Variants in RIT2 observed in about 807,000 individuals in gnomAD.
The protein encoded by RIT2 is GTP-binding protein Rit2.
RIT2 carries 24 observed loss-of-function variants against 23.7 expected under a neutral mutation model. That is an observed-to-expected ratio of 1.01 (90% confidence interval 0.73 to 1.43). RIT2 has a LOEUF of 1.43. RIT2 is among the 40% of genes most tolerant of loss of function. RIT2 has a pLI of 0.00. For missense variants in RIT2, 236 were observed against 266.9 expected (o/e 0.88, Z 0.81); for synonymous variants, 107 against 91.1 (o/e 1.17, Z -0.99).
chr18:42,983,773 C>T (rs1359613616), intron 2 of RIT2, among the ~76,000 whole-genome samples: 1 of 151,928 alleles, frequency 6.6e-6, no homozygotes, highest in Non-Finnish European at 1.5e-5. Context: ...ACATTATTAG[C>T]CTTAAATAAG....
At chr18:43,084,886 G>A (rs1203596698) in intron 1 of RIT2, among the ~76,000 whole-genome samples, 1 of 152,012 alleles carries the variant, frequency 6.6e-6, no homozygotes, top group Non-Finnish European at 1.5e-5. Context: ...ATCCCTTAAA[G>A]TATAATAAAA....
chr18:42,988,038 T>C (rs1910754295), intron 2 of RIT2, among the ~76,000 whole-genome samples: 1 of 152,064 alleles, frequency 6.6e-6, no homozygotes, highest in East Asian at 1.9e-4. Flanking sequence ...AAGGGACAAA[T>C]ATACAAATTA....
At chr18:42,920,725 T>C (rs1426587332) in intron 4 of RIT2, 2 of 1,596,230 alleles carry the variant, frequency 1.3e-6, no homozygotes, top group East Asian at 2.2e-5. Context: ...GCTTCAACCA[T>C]CAGAATTCTT....
At chr18:42,881,227 G>A (rs552677141) in intron 4 of RIT2, among the ~76,000 whole-genome samples, 25 of 152,224 alleles carry the variant, frequency 1.6e-4, no homozygotes, top group Admixed American at 2.0e-4. Flanking sequence ...AAAAACAGAG[G>A]TTGTTTAAAC....
At chr18:43,114,147 T>C (rs1183834848) in intron 1 of RIT2, among the ~76,000 whole-genome samples, 1 of 152,188 alleles carries the variant, frequency 6.6e-6, no homozygotes, top group Non-Finnish European at 1.5e-5. Context: ...TTTTCTTTCA[T>C]ATTTTTGCCT....
intron 1 of RIT2, among the ~76,000 whole-genome samples, chr18:43,093,346 A>C (rs1034038977): frequency 6.6e-6 from 1 of 152,072 alleles, no homozygotes; most frequent in Non-Finnish European, 1.5e-5. Context: ...AAAGCCTAAC[A>C]GCTAGTTTTC....
chr18:43,013,588 C>T (rs1465768291), intron 2 of RIT2, among the ~76,000 whole-genome samples: 1 of 151,698 alleles, frequency 6.6e-6, no homozygotes, highest in Non-Finnish European at 1.5e-5. Context: ...TGTATACTGC[C>T]ACATTTTTTA....
chr18:42,963,235 G>T (rs1910132483), intron 3 of RIT2, among the ~76,000 whole-genome samples: 1 of 152,120 alleles, frequency 6.6e-6, no homozygotes, highest in Non-Finnish European at 1.5e-5. Context: ...ATAGAAAATA[G>T]TCTTGAACCA....
chr18:42,751,482 A>C (rs1913044849), intron 4 of RIT2, among the ~76,000 whole-genome samples: 1 of 152,014 alleles, frequency 6.6e-6, no homozygotes, highest in Non-Finnish European at 1.5e-5. Context: ...CCAATGTGAT[A>C]ATCAAGCTCG....
chr18:42,915,791 T>C (rs1908892715), intron 4 of RIT2, among the ~76,000 whole-genome samples: 2 of 152,130 alleles, frequency 1.3e-5, no homozygotes, highest in South Asian at 4.1e-4. Flanking sequence ...ACATTGTTGT[T>C]TTTAATATAA....
chr18:42,921,002 G>C (rs552140321), intron 4 of RIT2, among the ~76,000 whole-genome samples: 7 of 152,012 alleles, frequency 4.6e-5, no homozygotes, highest in Middle Eastern at 3.4e-3. Context: ...TGAACAAAAA[G>C]AGTACAATAT....
At chr18:42,751,701 A>G (rs780382131) in intron 4 of RIT2, among the ~76,000 whole-genome samples, 4 of 152,048 alleles carry the variant, frequency 2.6e-5, no homozygotes, top group African/African-American at 7.2e-5. Flanking sequence ...GTAGTTTCAC[A>G]TGATCTTAGA....
intron 1 of RIT2, among the ~76,000 whole-genome samples, chr18:43,094,107 T>G (rs1487496248): frequency 7.2e-6 from 1 of 138,842 alleles, no homozygotes; most frequent in Non-Finnish European, 1.5e-5. Flanking sequence ...AAAATTGGTA[T>G]TAGTGGGTTT....
At chr18:42,843,425 TAG>T (rs778553047) in intron 4 of RIT2, among the ~76,000 whole-genome samples, 1 of 152,216 alleles carries the variant, frequency 6.6e-6, no homozygotes, top group Non-Finnish European at 1.5e-5. Context: ...GATCATAATT[TAG>T]AGATCATGAA....
chr18:42,916,375 C>G (rs1370983260), intron 4 of RIT2, among the ~76,000 whole-genome samples: 1 of 152,082 alleles, frequency 6.6e-6, no homozygotes, highest in Admixed American at 6.6e-5. Context: ...CTTTACTTAG[C>G]TCATAAACTG....
intron 2 of RIT2, among the ~76,000 whole-genome samples, chr18:43,027,683 T>C (rs926130099): frequency 6.6e-6 from 1 of 151,988 alleles, no homozygotes; most frequent in Non-Finnish European, 1.5e-5. Context: ...CAGTGAGAAA[T>C]TGAGTAGTCT....
rs1913667205 is a variant in RIT2 at position 43,100,893 on chromosome 18, C to G, written c.103+14524G>C. Among the ~76,000 whole-genome samples, 3 of 151,998 alleles carry G rather than the reference C, an allele frequency of 2.0e-5. No individual in the cohort carries two copies. In the South Asian group the frequency reaches 6.2e-4, roughly 32 times the overall value. On this transcript the variant is annotated intron_variant, in intron 1 of 4. Coordinates refer to ENST00000326695, the MANE Select transcript of RIT2 (RefSeq NM_002930.4). ...TCCCCCAGTGCCATCACTGCCTTCT[C>G]CCTTCCTTGAAAGGAGACTACGTAG...
intron 1 of RIT2, among the ~76,000 whole-genome samples, chr18:43,100,604 A>G (rs1206109415): frequency 2.0e-5 from 3 of 152,202 alleles, no homozygotes; most frequent in Non-Finnish European, 4.4e-5. Context: ...ATGGTAAGTT[A>G]GAATTCAATT....
intron 1 of RIT2, among the ~76,000 whole-genome samples, chr18:43,043,021 T>A (rs1912164401): frequency 6.6e-6 from 1 of 152,168 alleles, no homozygotes; most frequent in South Asian, 2.1e-4. Flanking sequence ...TAATGAGTAT[T>A]AAATTATTAT....
Sources: allele counts gnomAD v4.1 joint callset (sites outside exome capture counted in the v4.1 genomes callset), GRCh38; gene constraint gnomAD v4.1.1; transcripts MANE v1.5; gene names NCBI Gene and HGNC (gene_info 2026-07-23, HGNC 2026-07-21).